The following PCSK2 variants were observed in gnomAD, a reference collection of about 807,000 sequenced individuals.
PCSK2 encodes neuroendocrine convertase 2.
A neutral mutation model predicts 69.7 loss-of-function variants in PCSK2; 14 were observed. The ratio of observed to expected loss-of-function variants is 0.20; its 90% CI spans 0.13 to 0.31. PCSK2 has a LOEUF of 0.31. Among genes scored for constraint, PCSK2 ranks in the 10% least tolerant of loss-of-function variants. PCSK2 has a pLI of 1.00. For synonymous variants in PCSK2, 307 were observed against 320.7 expected (o/e 0.96, Z 0.46); for missense variants, 544 against 842.5 (o/e 0.65, Z 4.39).
chr20:17,475,702 T>C (rs2033278668), intron 11 of PCSK2, among the ~76,000 whole-genome samples: 1 of 152,164 alleles, frequency 6.6e-6, no homozygotes, highest in African/African-American at 2.4e-5. Flanking sequence ...GGGTCCTGGG[T>C]GCAAATTGGG....
Position 17,227,249 on chromosome 20 carries a change from T to A in PCSK2, c.-57T>A. 7.9e-7 allele frequency: 1 copy of A among 1,260,726 alleles called. No individual in the cohort carries two copies. 78.1% of individuals were successfully genotyped at this position (1,260,726 alleles called of 1,614,324 possible). A position where few individuals can be genotyped will look rare whatever the true frequency, so the allele number is the denominator to read the frequency against. On this transcript the variant is annotated 5_prime_UTR_variant, in exon 1 of 12. Coordinates refer to ENST00000262545, the MANE Select transcript of PCSK2 (RefSeq NM_002594.5). Reference sequence around the variant, plus strand: ...TCTTTATTTGCACCCTCCCTCCGAGTCCCCTGCTCCGCCAGCCTGCGCGCC... The same window carrying A: ...TCTTTATTTGCACCCTCCCTCCGAGACCCCTGCTCCGCCAGCCTGCGCGCC...
At chr20:17,473,167 C>T (rs1290809635) in intron 11 of PCSK2, among the ~76,000 whole-genome samples, 1 of 140,308 alleles carries the variant, frequency 7.1e-6, no homozygotes, top group African/African-American at 2.6e-5. Flanking sequence ...GATCTCAGCT[C>T]ACTGCAACCT....
chr20:17,277,957 A>C lies in PCSK2; in HGVS notation c.282+17613A>C, dbSNP rs1163913706. 3.9e-5 allele frequency among the ~76,000 whole-genome samples: 6 copies of C among 152,110 alleles called. No homozygotes were observed. The East Asian group carries it at 1.2e-3, about 29-fold the overall frequency. ...AAGAAGACATTTATGCAGCCAAAAA[A>C]CACATGAAAAAATGCTCATCATCAC... On this transcript the variant is annotated intron_variant, in intron 2 of 11. Coordinates refer to ENST00000262545, the MANE Select transcript of PCSK2 (RefSeq NM_002594.5).
At chr20:17,440,953 C>T (rs2032583030) in intron 8 of PCSK2, among the ~76,000 whole-genome samples, 1 of 152,084 alleles carries the variant, frequency 6.6e-6, no homozygotes, top group African/African-American at 2.4e-5. Context: ...GACAGACATC[C>T]TGATCCAAGG....
At chr20:17,430,735 C>T (rs1424567180) in intron 7 of PCSK2, among the ~76,000 whole-genome samples, 1 of 152,164 alleles carries the variant, frequency 6.6e-6, no homozygotes, top group Non-Finnish European at 1.5e-5. Context: ...TTTTATAAGC[C>T]AGGCTCAGAC....
chr20:17,436,657 C>A, intron 7 of PCSK2, 51 bp from the exon 8 acceptor site: 1 of 1,535,244 alleles, frequency 6.5e-7, no homozygotes, highest in Non-Finnish European at 8.9e-7. Flanking sequence ...TCCTTGTCTC[C>A]TGCGAACTGG....
At chr20:17,285,340 C>G (rs540419644) in intron 2 of PCSK2, among the ~76,000 whole-genome samples, 22 of 152,280 alleles carry the variant, frequency 1.4e-4, no homozygotes, top group African/African-American at 5.3e-4. Context: ...GTAAGGAATA[C>G]AGCAGAAGGA....
At chr20:17,443,612 A>G (rs980435541) in intron 8 of PCSK2, among the ~76,000 whole-genome samples, 1 of 152,128 alleles carries the variant, frequency 6.6e-6, no homozygotes, top group Non-Finnish European at 1.5e-5. Context: ...TCGGGAAGGT[A>G]GGAGATGTGT....
chr20:17,371,244 G>A (rs2030752329), intron 5 of PCSK2, among the ~76,000 whole-genome samples: 1 of 152,168 alleles, frequency 6.6e-6, no homozygotes, highest in Non-Finnish European at 1.5e-5. Context: ...TCCCTGCCTA[G>A]CCCAGGCAGT....
At chr20:17,265,243 A>C (rs190065098) in intron 2 of PCSK2, among the ~76,000 whole-genome samples, 207 of 152,304 alleles carry the variant, frequency 1.4e-3, no homozygotes, top group Non-Finnish European at 2.3e-3. Context: ...GGTGACCTCT[A>C]CTTACCATCA....
chr20:17,378,493 T>A (rs1377018824), intron 5 of PCSK2, among the ~76,000 whole-genome samples: 3 of 152,202 alleles, frequency 2.0e-5, no homozygotes, highest in Non-Finnish European at 4.4e-5. Context: ...GTCTTCCAAC[T>A]CTTTTACTCA....
chr20:17,453,221 A>C lies in PCSK2; in HGVS notation c.886-521A>C, dbSNP rs1451236597. Among the ~76,000 whole-genome samples the C allele has an allele frequency of 6.6e-6, 1 of 152,114 alleles. No homozygotes were observed. The highest frequency in any genetic ancestry group is 2.4e-5 in the African/African-American group (1 of 41,432). On this transcript the variant is annotated intron_variant, in intron 8 of 11. Transcript: ENST00000262545. The surrounding 1 kb of genome is among the most constrained non-coding windows in gnomAD (Gnocchi z 4.0). ...ATATCATATTTAAATTTATATATTGATATATAGCTATTTAAAATAAAAGGT... is the reference window on the plus strand; with the variant it reads ...ATATCATATTTAAATTTATATATTGCTATATAGCTATTTAAAATAAAAGGT...
At chr20:17,327,368 C>T (rs1430564387) in intron 2 of PCSK2, among the ~76,000 whole-genome samples, 1 of 152,182 alleles carries the variant, frequency 6.6e-6, no homozygotes, top group Non-Finnish European at 1.5e-5. Context: ...ACCCCTAAGT[C>T]CTCAGGACAC....
chr20:17,317,531 G>A (rs912150523), intron 2 of PCSK2, among the ~76,000 whole-genome samples: 2 of 152,082 alleles, frequency 1.3e-5, no homozygotes, highest in Non-Finnish European at 2.9e-5. Context: ...TTGAAAAATG[G>A]GCAACTAAAT....
intron 1 of PCSK2, among the ~76,000 whole-genome samples, chr20:17,255,498 C>A (rs560312122): frequency 6.6e-6 from 1 of 152,044 alleles, no homozygotes; most frequent in Non-Finnish European, 1.5e-5. Context: ...CCTGCCACCA[C>A]GCCCAGCTAA....
At chr20:17,436,910 G>A (rs41276382) in intron 8 of PCSK2, 27 bp downstream of exon 8, 21,019 of 1,565,320 alleles carry the variant, frequency 0.013, 192 homozygotes, top group Middle Eastern at 0.022. Flanking sequence ...CCTAGGCCCC[G>A]GCCACTCACA....
intron 10 of PCSK2, among the ~76,000 whole-genome samples, chr20:17,463,149 C>A (rs576769286): frequency 6.6e-6 from 1 of 151,750 alleles, no homozygotes; most frequent in Non-Finnish European, 1.5e-5. Context: ...CTCTCTCTTT[C>A]TAAAATGCAC....
chr20:17,262,653 T>A (rs1987435742), intron 2 of PCSK2, among the ~76,000 whole-genome samples: 1 of 152,190 alleles, frequency 6.6e-6, no homozygotes, highest in Admixed American at 6.5e-5. Flanking sequence ...CTAAAGATTC[T>A]GCCTTGTGGG....
chr20:17,331,204 C>T lies in PCSK2; in HGVS notation c.283-27123C>T, dbSNP rs545632234. Among the ~76,000 whole-genome samples, 140 of 152,310 alleles carry T rather than the reference C, an allele frequency of 9.2e-4. 1 individual carries two copies. Among genetic ancestry groups the T allele is most frequent in the African/African-American group, 3.3e-3 (136 of 41,578 alleles). ...CTGGATGGACTCTTCCAGCCCACTC[C>T]TTGTGGGCTGTGCTGATCACACTTC... On this transcript the variant is annotated intron_variant, in intron 2 of 11. Transcript: ENST00000262545.
Sources: allele counts gnomAD v4.1 joint callset (sites outside exome capture counted in the v4.1 genomes callset), GRCh38; gene constraint gnomAD v4.1.1; non-coding constraint Gnocchi (gnomAD v3.1); transcripts MANE v1.5; gene names NCBI Gene and HGNC (gene_info 2026-07-23, HGNC 2026-07-21).